Variants in NEUROD1 observed in about 807,000 individuals in gnomAD.
NEUROD1 encodes neurogenic differentiation factor 1.
NEUROD1 carries 9 observed loss-of-function variants against 21.8 expected under a neutral mutation model. That is an observed-to-expected ratio of 0.41 (90% confidence interval 0.25 to 0.72). The LOEUF (loss-of-function observed/expected upper bound fraction) is 0.72. NEUROD1 is among the 30% of genes least tolerant of loss of function. The pLI is 0.31. For missense variants in NEUROD1, 434 were observed against 468.8 expected (o/e 0.93, Z 0.69); for synonymous variants, 199 against 186.2 (o/e 1.07, Z -0.56).
downstream of NEUROD1, among the ~76,000 whole-genome samples, chr2:181,670,274 A>C (rs976662595): frequency 6.6e-6 from 1 of 152,208 alleles, no homozygotes; most frequent in African/African-American, 2.4e-5. Flanking sequence ...TTCACACTTC[A>C]CTAAATGTAG....
Position 181,671,289 on chromosome 2 carries a change from T to C in NEUROD1, n.2657A>G, listed in dbSNP as rs1042978678. On this transcript the variant is annotated non_coding_transcript_exon_variant, in exon 2 of 2. Coordinates refer to the NEUROD1 transcript ENST00000496876. ...GCCTCTATTAACAAAGAAATTCTTC[T>C]AGTAAAGAAATATTGTGATAAATAT... Among the ~76,000 whole-genome samples, 13 of 152,168 alleles carry C rather than the reference T, an allele frequency of 8.5e-5. 1 individual carries two copies. The highest frequency in any genetic ancestry group is 1.9e-4 in the Non-Finnish European group (13 of 68,020).
intron 1 of NEUROD1, among the ~76,000 whole-genome samples, chr2:181,679,472 A>G (rs555286160): frequency 2.0e-5 from 3 of 152,368 alleles, no homozygotes; most frequent in East Asian, 1.9e-4. Flanking sequence ...TTCACCATCA[A>G]TGTAACATTT....
intron 1 of NEUROD1, among the ~76,000 whole-genome samples, chr2:181,679,283 A>G (rs1688655641): frequency 6.6e-6 from 1 of 150,974 alleles, no homozygotes; most frequent in Non-Finnish European, 1.5e-5. Context: ...AAAAAAAAAA[A>G]GCTGTAAAAT....
At chr2:181,669,921 T>C (rs1688472689), downstream of NEUROD1, among the ~76,000 whole-genome samples, 1 of 152,172 alleles carries the variant, frequency 6.6e-6, no homozygotes, top group Admixed American at 6.6e-5. Flanking sequence ...AGTCTTAGCC[T>C]CTTAAGCTCA....
downstream of NEUROD1, chr2:181,676,388 T>C (rs1688571804): frequency 6.6e-6 from 1 of 152,630 alleles, no homozygotes; most frequent in Non-Finnish European, 1.5e-5. Context: ...GTTTAGTATT[T>C]TTTAACTCAG....
In NEUROD1 at chr2:181,678,537, G is replaced by A. The variant is rs772860623; in HGVS notation, c.324C>T (p.Ala108=). ...RFKLRRMKAN[A]RERNRMHGLN... is the part of the protein sequence containing the mutation. ...GTCCGTGCATGCGGTTCCGCTCCCG[G>A]GCGTTAGCCTTCATGCGTCTCAATT... Residue 108 remains alanine (A), a synonymous_variant, in exon 2 of 2, where the codon GCC becomes GCT. Coordinates refer to ENST00000295108, the MANE Select transcript of NEUROD1 (RefSeq NM_002500.5). This position sits in a 1 kb window ranked among gnomAD's most constrained non-coding sequence, Gnocchi z 5.5. The A allele has an allele frequency of 1.2e-6, 2 of 1,614,206 alleles. No homozygotes were observed. Among genetic ancestry groups the A allele is most frequent in the Non-Finnish European group, 1.7e-6 (2 of 1,180,046 alleles).
chr2:181,678,512 G>C lies in NEUROD1; in HGVS notation c.349C>G (p.Leu117Val). ...CGCAGGTTGTCTAGCGCCGCGTTCAGTCCGTGCATGCGGTTCCGCTCCCGG... is the reference window on the plus strand; with the variant it reads ...CGCAGGTTGTCTAGCGCCGCGTTCACTCCGTGCATGCGGTTCCGCTCCCGG... ...NARERNRMHGLNAALDNLRKV... is the reference protein window; with the variant it reads ...NARERNRMHGVNAALDNLRKV... Residue 117 changes from leucine (L) to valine (V), a missense_variant, in exon 2 of 2, where the codon CTG (leucine) becomes GTG (valine). By Grantham distance (32) the Leu-to-Val change is conservative. Transcript: ENST00000295108. The surrounding 1 kb of genome is among the most constrained non-coding windows in gnomAD (Gnocchi z 5.5). The C allele has an allele frequency of 6.2e-7, 1 of 1,614,252 alleles. No homozygotes were observed. The highest frequency in any genetic ancestry group is 8.5e-7 in the Non-Finnish European group (1 of 1,180,052).
downstream of NEUROD1, among the ~76,000 whole-genome samples, chr2:181,671,543 AC>A (rs1194345910): frequency 6.6e-6 from 1 of 151,532 alleles, no homozygotes; most frequent in Non-Finnish European, 1.5e-5. Context: ...TGATCCTCCC[AC>A]CTGAGCCTCC....
chr2:181,674,400 C>G (rs543241879), downstream of NEUROD1, among the ~76,000 whole-genome samples: 2 of 152,096 alleles, frequency 1.3e-5, no homozygotes, highest in South Asian at 4.2e-4. Context: ...ATGTTCTTTT[C>G]TTACAAACTG....
downstream of NEUROD1, among the ~76,000 whole-genome samples, chr2:181,672,811 A>G (rs1688516074): frequency 6.6e-6 from 1 of 152,234 alleles, no homozygotes; most frequent in Admixed American, 6.5e-5. Context: ...ATGAAAGTGA[A>G]TGAAAAGCAC....
downstream of NEUROD1, among the ~76,000 whole-genome samples, chr2:181,675,148 A>G (rs1264768525): frequency 1.3e-5 from 2 of 152,244 alleles, no homozygotes; most frequent in Non-Finnish European, 2.9e-5. Flanking sequence ...TTGATTCCAA[A>G]ATAACAACTC....
In NEUROD1 at chr2:181,676,563, A is replaced by G. The variant is rs553235685; in HGVS notation, c.*1227T>C. 4 of 152,760 alleles carry G rather than the reference A, an allele frequency of 2.6e-5. No individual in the cohort carries two copies. In the South Asian group the frequency reaches 8.3e-4, roughly 32 times the overall value. 9.5% of individuals were successfully genotyped at this position (152,760 alleles called of 1,614,324 possible). A position where few individuals can be genotyped will look rare whatever the true frequency, so the allele number is the denominator to read the frequency against. ...GATTACAAACAAAATTACAGTACAGATCGATTCCAGTGGTACCAGCATCAC... is the reference window on the plus strand; with the variant it reads ...GATTACAAACAAAATTACAGTACAGGTCGATTCCAGTGGTACCAGCATCAC... On this transcript the variant is annotated 3_prime_UTR_variant, in exon 2 of 2. Transcript: ENST00000295108.
Position 181,678,450 on chromosome 2 carries a change from C to T in NEUROD1, c.411G>A (p.Leu137=), listed in dbSNP as rs910919490. 1 of 1,614,112 alleles carries T rather than the reference C, an allele frequency of 6.2e-7. No homozygotes were observed. Among genetic ancestry groups the T allele is most frequent in the Non-Finnish European group, 8.5e-7 (1 of 1,180,056 alleles). Residue 137 remains leucine (L), a synonymous_variant, in exon 2 of 2, where the codon CTG becomes CTA. Transcript: ENST00000295108. This position sits in a 1 kb window ranked among gnomAD's most constrained non-coding sequence, Gnocchi z 5.5. ...CCAAGCGCAGAGTCTCGATTTTGGA[C>T]AGCTTCTGCGTCTTAGAATAGCAAG... ...VVPCYSKTQK[L]SKIETLRLAK...
chr2:181,671,129 T>C (rs1396587066), exon 2 of NEUROD1, among the ~76,000 whole-genome samples: 3 of 151,930 alleles, frequency 2.0e-5, no homozygotes, highest in Admixed American at 6.6e-5. Context: ...AGTAGTTAAT[T>C]AGACAAAAAA....
At chr2:181,675,294 A>T (rs189213641), downstream of NEUROD1, among the ~76,000 whole-genome samples, 1 of 152,326 alleles carries the variant, frequency 6.6e-6, no homozygotes, top group East Asian at 1.9e-4. Context: ...CATTTTTTTA[A>T]CGTCGAAGTA....
chr2:181,677,877 G>T lies in NEUROD1; in HGVS notation c.984C>A (p.Ile328=), dbSNP rs757234574. ...FSGTAAPRCE[I]PIDNIMSFDS... ...CGAAGGACATAATATTGTCTATGGG[G>T]ATCTCGCAGCGAGGGGCAGCGGTGC... The change falls in exon 2 of 2, where the codon ATC becomes ATA. Residue 328 remains isoleucine (I), a synonymous_variant. Transcript: ENST00000295108. 1 of 1,614,194 alleles carries T rather than the reference G, an allele frequency of 6.2e-7. No individual in the cohort carries two copies. The highest frequency in any genetic ancestry group is 1.1e-5 in the South Asian group (1 of 91,084).
Position 181,678,296 on chromosome 2 carries a change from G to T in NEUROD1, c.565C>A (p.Gln189Lys). ...GGCAGAAAAGTCCGAGGATTGAGTT[G>T]CAGGCAGCCCGCAACCAGGTTGGTG... is the stretch of plus-strand genomic sequence containing the variant. The part of the protein sequence containing the change: ...PTTNLVAGCL[Q>K]LNPRTFLPEQ... The change falls in exon 2 of 2, where the codon CAA becomes AAA. Residue 189 changes from glutamine to lysine, a missense_variant. Physicochemically the swap from Gln to Lys is moderately conservative, Grantham distance 53. Transcript: ENST00000295108. This position sits in a 1 kb window ranked among gnomAD's most constrained non-coding sequence, Gnocchi z 5.5. 6.2e-7 allele frequency: 1 copy of T among 1,614,120 alleles called. No homozygotes were observed. Among genetic ancestry groups the T allele is most frequent in the Non-Finnish European group, 8.5e-7 (1 of 1,180,010 alleles).
At chr2:181,671,612 G>A (rs1411383575), downstream of NEUROD1, among the ~76,000 whole-genome samples, 1 of 151,840 alleles carries the variant, frequency 6.6e-6, no homozygotes, top group Non-Finnish European at 1.5e-5. Flanking sequence ...TGTATTTTTT[G>A]TAGACACGAG....
rs1432759797 is a variant in NEUROD1 at position 181,678,192 on chromosome 2, C to A, written c.669G>T (p.Ser223=). 5 of 1,614,030 alleles carry A rather than the reference C, an allele frequency of 3.1e-6. No homozygotes were observed. Among genetic ancestry groups the A allele is most frequent in the African/African-American group, 1.3e-5 (1 of 75,010 alleles). Residue 223 remains serine (S), a synonymous_variant, in exon 2 of 2, where the codon TCG becomes TCT. Coordinates refer to ENST00000295108, the MANE Select transcript of NEUROD1 (RefSeq NM_002500.5). The surrounding 1 kb of genome is among the most constrained non-coding windows in gnomAD (Gnocchi z 5.5). ...CGTAAGGCGGACTGGGCAGCCCAGG[C>A]GACTGGTAGGAGTAGGGGTGTACAG... ...SFPVHPYSYQ[S]PGLPSPPYGT...
Sources: allele counts gnomAD v4.1 joint callset (sites outside exome capture counted in the v4.1 genomes callset), GRCh38; gene constraint gnomAD v4.1.1; non-coding constraint Gnocchi (gnomAD v3.1); transcripts MANE v1.5; gene names NCBI Gene and HGNC (gene_info 2026-07-23, HGNC 2026-07-21).